KLHL1: variants seen among roughly 807,000 people sequenced by gnomAD.
KLHL1 encodes the protein kelch-like protein 1.
Under a neutral mutation model 77.7 loss-of-function variants are expected in KLHL1, and 47 were observed. The ratio of observed to expected loss-of-function variants is 0.60; its 90% CI spans 0.48 to 0.77. The LOEUF (loss-of-function observed/expected upper bound fraction) is 0.77. KLHL1 is among the 30% of genes least tolerant of loss of function. KLHL1 has a pLI of 0.00. For synonymous variants in KLHL1, 360 were observed against 325.2 expected (o/e 1.11, Z -1.15); for missense variants, 925 against 910.8 (o/e 1.02, Z -0.20).
intron 9 of KLHL1, among the ~76,000 whole-genome samples, chr13:69,718,921 G>A (rs74348796): frequency 0.015 from 2,343 of 152,204 alleles, 54 homozygotes; most frequent in African/African-American, 0.054. Flanking sequence ...ATTCACCTTT[G>A]AGAGTTTGAA....
intron 1 of KLHL1, among the ~76,000 whole-genome samples, chr13:70,005,809 A>C (rs536342375): frequency 6.6e-6 from 1 of 152,148 alleles, no homozygotes; most frequent in East Asian, 1.9e-4. Context: ...GTTCCCATTA[A>C]ATCAATAAAG....
At chr13:69,785,046 C>T (rs868604920) in intron 7 of KLHL1, among the ~76,000 whole-genome samples, 1,909 of 151,510 alleles carry the variant, frequency 0.013, 37 homozygotes, top group African/African-American at 0.044. Flanking sequence ...CCCGCCACTA[C>T]GCCCGGCTAA....
intron 1 of KLHL1, among the ~76,000 whole-genome samples, chr13:70,036,631 T>C (rs1421288153): frequency 6.6e-6 from 1 of 151,930 alleles, no homozygotes; most frequent in African/African-American, 2.4e-5. Context: ...AATGTGATTT[T>C]TGAGTTTAAT....
chr13:69,757,172 A>G (rs562212993), intron 7 of KLHL1, among the ~76,000 whole-genome samples: 1 of 152,138 alleles, frequency 6.6e-6, no homozygotes, highest in South Asian at 2.1e-4. Context: ...CTTTTTTATC[A>G]TTTCCGTGAA....
intron 5 of KLHL1, among the ~76,000 whole-genome samples, chr13:69,880,760 A>G (rs1880958062): frequency 6.6e-6 from 1 of 152,138 alleles, no homozygotes; most frequent in Non-Finnish European, 1.5e-5. Flanking sequence ...ATCTGGTCAC[A>G]TTCTTGACCT....
intron 1 of KLHL1, among the ~76,000 whole-genome samples, chr13:70,058,055 A>C (rs1045084878): frequency 2.6e-5 from 4 of 152,132 alleles, no homozygotes; most frequent in African/African-American, 9.7e-5. Flanking sequence ...CATGAAAATA[A>C]AAACACTTAA....
At chr13:69,715,552 G>A (rs1269691351) in intron 9 of KLHL1, among the ~76,000 whole-genome samples, 3 of 149,042 alleles carry the variant, frequency 2.0e-5, no homozygotes, top group Admixed American at 6.7e-5. Flanking sequence ...ACGGAATCTC[G>A]CTCTGTTGCC....
At chr13:69,757,278 T>C (rs1175882818) in intron 7 of KLHL1, among the ~76,000 whole-genome samples, 1 of 152,130 alleles carries the variant, frequency 6.6e-6, no homozygotes, top group Non-Finnish European at 1.5e-5. Context: ...TGGTCATTGT[T>C]AAAGATGCAA....
chr13:69,824,752 A>G (rs1878478073), intron 6 of KLHL1, among the ~76,000 whole-genome samples: 1 of 152,118 alleles, frequency 6.6e-6, no homozygotes, highest in South Asian at 2.1e-4. Flanking sequence ...GAGATGTGGA[A>G]GGTGAAATTG....
At chr13:69,902,613 G>A (rs1881906583) in intron 4 of KLHL1, among the ~76,000 whole-genome samples, 1 of 152,108 alleles carries the variant, frequency 6.6e-6, no homozygotes, top group African/African-American at 2.4e-5. Flanking sequence ...GTAGGGACAT[G>A]GATGAAGCTG....
chr13:69,718,412 G>GT (rs35916434), intron 9 of KLHL1, among the ~76,000 whole-genome samples: 44 of 151,502 alleles, frequency 2.9e-4, no homozygotes, highest in African/African-American at 7.7e-4. Flanking sequence ...AATATTCTAG[G>GT]TTTTTTTTTC....
At chr13:69,939,877 T>C (rs1351317235) in intron 4 of KLHL1, among the ~76,000 whole-genome samples, 163 bp downstream of exon 4, 1 of 152,166 alleles carries the variant, frequency 6.6e-6, no homozygotes, top group Non-Finnish European at 1.5e-5. Flanking sequence ...TTTTTAAAAT[T>C]AGAAAATACA....
Position 69,908,503 on chromosome 13 carries a change from A to G in KLHL1, c.1015-26008T>C, listed in dbSNP as rs186920986. ...AGGATAACATTTATATAGTTTATTT[A>G]CTGCCTAAATCTAGTATGCAAAAAA... On this transcript the variant is annotated intron_variant, in intron 4 of 10. Transcript: ENST00000377844. Among the ~76,000 whole-genome samples the G allele has an allele frequency of 4.9e-3, 742 of 150,236 alleles. 7 individuals carry two copies. The highest frequency in any genetic ancestry group is 0.016 in the African/African-American group (673 of 40,918).
At chr13:69,889,839 C>T (rs1005609266) in intron 4 of KLHL1, among the ~76,000 whole-genome samples, 4 of 152,128 alleles carry the variant, frequency 2.6e-5, no homozygotes, top group East Asian at 1.9e-4. Flanking sequence ...TAGAGGAATG[C>T]CTGTCTCATA....
chr13:69,896,684 T>A (rs1391130583), intron 4 of KLHL1, among the ~76,000 whole-genome samples: 2 of 151,952 alleles, frequency 1.3e-5, no homozygotes, highest in Admixed American at 1.3e-4. Flanking sequence ...TTTTTTTTTT[T>A]TTGAGACAGA....
intron 8 of KLHL1, among the ~76,000 whole-genome samples, chr13:69,735,507 T>A (rs1385634573): frequency 2.0e-5 from 3 of 149,758 alleles, no homozygotes; most frequent in Non-Finnish European, 3.0e-5. Context: ...GTTAAATGGT[T>A]ATATATAAAT....
intron 5 of KLHL1, among the ~76,000 whole-genome samples, chr13:69,878,709 T>TAGAG (rs1384027546): frequency 7.3e-5 from 11 of 149,778 alleles, no homozygotes; most frequent in East Asian, 2.0e-4. Flanking sequence ...TATATATATA[T>TAGAG]ATAGAGAGAG....
chr13:69,871,446 C>T (rs1283926882), intron 5 of KLHL1, among the ~76,000 whole-genome samples: 1 of 152,148 alleles, frequency 6.6e-6, no homozygotes, highest in Non-Finnish European at 1.5e-5. Context: ...AGCGATTGCT[C>T]CACAGCATCC....
intron 7 of KLHL1, among the ~76,000 whole-genome samples, chr13:69,788,656 TATA>T (rs749231972): frequency 5.8e-4 from 75 of 129,110 alleles, no homozygotes; most frequent in South Asian, 1.5e-3. Flanking sequence ...AAACTTAAAG[TATA>T]ATAATAATAA....
Sources: gnomAD v4.1 joint callset for allele counts (sites outside exome capture counted in the v4.1 genomes callset) on GRCh38, gnomAD v4.1.1 for gene constraint, MANE v1.5 for transcripts, NCBI Gene and HGNC (gene_info 2026-07-23, HGNC 2026-07-21) for gene names.